PBX1: variants seen among roughly 807,000 people sequenced by gnomAD.
PBX1 encodes the protein pre-B-cell leukemia transcription factor 1.
A neutral mutation model predicts 53.4 loss-of-function variants in PBX1; 6 were observed. That is an observed-to-expected ratio of 0.11 (90% CI 0.06 to 0.22). The LOEUF is 0.22. Ranked by LOEUF, PBX1 falls within the 10% of genes least tolerant of loss-of-function variation. PBX1 has a pLI of 1.00. For synonymous variants in PBX1, 204 were observed against 212.3 expected (o/e 0.96, Z 0.34); for missense variants, 251 against 551.4 (o/e 0.46, Z 5.46).
chr1:164,777,683 G>T (rs749470906), intron 2 of PBX1, among the ~76,000 whole-genome samples: 72 of 152,168 alleles, frequency 4.7e-4, no homozygotes, highest in Admixed American at 3.8e-3. Flanking sequence ...TTAAAGGCTG[G>T]ATAACTACCT....
At chr1:164,655,123 A>AT (rs1256000208) in intron 2 of PBX1, among the ~76,000 whole-genome samples, 6 of 100,272 alleles carry the variant, frequency 6.0e-5, no homozygotes, top group Admixed American at 9.5e-5. Context: ...TTTTATTTTT[A>AT]TTTTTTTAAG....
chr1:164,678,504 T>A (rs1661568548), intron 2 of PBX1, among the ~76,000 whole-genome samples: 1 of 152,200 alleles, frequency 6.6e-6, no homozygotes, highest in African/African-American at 2.4e-5. Flanking sequence ...GCCATTGGCC[T>A]TCTTCACGTG....
intron 2 of PBX1, among the ~76,000 whole-genome samples, chr1:164,677,162 G>A (rs970942821): frequency 4.0e-5 from 6 of 149,292 alleles, no homozygotes; most frequent in East Asian, 4.0e-4. Context: ...GCACAATCTC[G>A]GCTCACTGCA....
At chr1:164,686,137 A>G (rs1662078635) in intron 2 of PBX1, among the ~76,000 whole-genome samples, 1 of 152,230 alleles carries the variant, frequency 6.6e-6, no homozygotes, top group South Asian at 2.1e-4. Context: ...TACAAGGATT[A>G]GATGAGGGGA....
intron 2 of PBX1, among the ~76,000 whole-genome samples, chr1:164,661,974 T>G (rs1557924606): frequency 6.6e-6 from 1 of 152,176 alleles, no homozygotes; most frequent in Non-Finnish European, 1.5e-5. Context: ...TCTTGAGTAC[T>G]TTCCAAATCC....
At chr1:164,835,646 A>G (rs1347411963) in intron 8 of PBX1, among the ~76,000 whole-genome samples, 1 of 152,162 alleles carries the variant, frequency 6.6e-6, no homozygotes, top group Non-Finnish European at 1.5e-5. Context: ...GATTTCTAAG[A>G]ACTCTTATAA....
chr1:164,731,039 G>C (rs951661958), intron 2 of PBX1, among the ~76,000 whole-genome samples: 2 of 152,142 alleles, frequency 1.3e-5, no homozygotes, highest in African/African-American at 4.8e-5. Context: ...GGACTCCAGT[G>C]TTTTTTGCGA....
chr1:164,787,481 G>A (rs1668262208), intron 2 of PBX1, among the ~76,000 whole-genome samples: 1 of 152,182 alleles, frequency 6.6e-6, no homozygotes, highest in African/African-American at 2.4e-5. Flanking sequence ...AGTCCTTGGT[G>A]AAGAAAGAGT....
chr1:164,695,802 G>A (rs983813610), intron 2 of PBX1, among the ~76,000 whole-genome samples: 1 of 152,170 alleles, frequency 6.6e-6, no homozygotes, highest in African/African-American at 2.4e-5. Flanking sequence ...AGATAAAAGC[G>A]AGAGAGCCCT....
intron 2 of PBX1, among the ~76,000 whole-genome samples, chr1:164,859,919 A>G (rs1434249772): frequency 6.6e-6 from 1 of 152,254 alleles, no homozygotes; most frequent in African/African-American, 2.4e-5. Flanking sequence ...TATGATGTCC[A>G]TTAACAAAGC....
intron 2 of PBX1, among the ~76,000 whole-genome samples, chr1:164,620,400 T>C (rs1439363233): frequency 6.6e-6 from 1 of 152,158 alleles, no homozygotes; most frequent in Non-Finnish European, 1.5e-5. Flanking sequence ...ATGATAAAAT[T>C]ATGCATCTTT....
chr1:164,797,380 C>T (rs1668840403), intron 3 of PBX1, among the ~76,000 whole-genome samples: 1 of 152,166 alleles, frequency 6.6e-6, no homozygotes, highest in African/African-American at 2.4e-5. Context: ...GGATGCTTGC[C>T]ATGTGCCTAG....
intron 2 of PBX1, among the ~76,000 whole-genome samples, chr1:164,771,977 G>A (rs1304516063): frequency 6.6e-6 from 1 of 152,164 alleles, no homozygotes; most frequent in Non-Finnish European, 1.5e-5. Context: ...GGAAGATAGA[G>A]CTGAATTCAA....
chr1:164,620,124 G>T (rs1021540258), intron 2 of PBX1, among the ~76,000 whole-genome samples: 1 of 152,152 alleles, frequency 6.6e-6, no homozygotes, highest in Non-Finnish European at 1.5e-5. Flanking sequence ...GCCCAGGGAG[G>T]TCAAGGCTGC....
intron 2 of PBX1, among the ~76,000 whole-genome samples, chr1:164,782,071 A>C (rs1667960759): frequency 6.6e-6 from 1 of 152,186 alleles, no homozygotes; most frequent in African/African-American, 2.4e-5. Flanking sequence ...AACAAAATAC[A>C]AGTTTATTTT....
chr1:164,827,140 A>G (rs1387009186), intron 8 of PBX1, among the ~76,000 whole-genome samples: 2 of 152,238 alleles, frequency 1.3e-5, no homozygotes, highest in African/African-American at 4.8e-5. Context: ...GCCACATGCC[A>G]TAATTTTAAT....
At chr1:164,652,809 A>G (rs1310184177) in intron 2 of PBX1, among the ~76,000 whole-genome samples, 1 of 151,948 alleles carries the variant, frequency 6.6e-6, no homozygotes, top group Non-Finnish European at 1.5e-5. Flanking sequence ...AGTTTCTTTC[A>G]GCCCCTTTTA....
At chr1:164,820,790 A>G (rs908052266) in intron 7 of PBX1, among the ~76,000 whole-genome samples, 2 of 152,188 alleles carry the variant, frequency 1.3e-5, no homozygotes, top group Admixed American at 6.5e-5. Context: ...GATTTCCTTC[A>G]TGATACTTGA....
At chr1:164,757,700 CTATTAT>C (rs1314416827) in intron 2 of PBX1, among the ~76,000 whole-genome samples, 1 of 152,110 alleles carries the variant, frequency 6.6e-6, no homozygotes, top group African/African-American at 2.4e-5. Flanking sequence ...CTAATTTCAG[CTATTAT>C]TATTATTATT....
Sources: gnomAD v4.1 joint callset for allele counts (sites outside exome capture counted in the v4.1 genomes callset) on GRCh38, gnomAD v4.1.1 for gene constraint, MANE v1.5 for transcripts, NCBI Gene and HGNC (gene_info 2026-07-23, HGNC 2026-07-21) for gene names.